CFAP44: variants seen among roughly 807,000 people sequenced by gnomAD.
CFAP44 encodes cilia- and flagella-associated protein 44.
A neutral mutation model predicts 216.2 loss-of-function variants in CFAP44; 134 were observed. The ratio of observed to expected loss-of-function variants is 0.62; its 90% CI spans 0.54 to 0.72. CFAP44 has a LOEUF of 0.72. CFAP44 is among the 30% of genes least tolerant of loss of function. The pLI is 0.00. For missense variants in CFAP44, 2,035 were observed against 2,182.1 expected, an observed-to-expected ratio of 0.93 and a Z score of 1.34; for synonymous variants, 700 against 727.6, an observed-to-expected ratio of 0.96 and a Z score of 0.61.
chr3:113,296,997 T>G, intron 32 of CFAP44, 112 bp from the exon 33 acceptor site: 1 of 1,246,614 alleles, frequency 8.0e-7, no homozygotes, highest in African/African-American at 1.5e-5. Context: ...ATGAAAGATT[T>G]TATGCCATCA....
At chr3:113,297,880 A>C (rs2107787957) in intron 32 of CFAP44, among the ~76,000 whole-genome samples, 1 of 152,240 alleles carries the variant, frequency 6.6e-6, no homozygotes, top group East Asian at 1.9e-4. Context: ...ATTGGGGCAT[A>C]ATTGTTACAA....
chr3:113,391,052 A>G (rs1933825332), intron 15 of CFAP44, among the ~76,000 whole-genome samples: 1 of 152,212 alleles, frequency 6.6e-6, no homozygotes, highest in African/African-American at 2.4e-5. Context: ...CTGAACAGAA[A>G]GAACAAAGCT....
chr3:113,430,777 G>C (rs1935086486), intron 2 of CFAP44, among the ~76,000 whole-genome samples: 3 of 152,080 alleles, frequency 2.0e-5, no homozygotes, highest in Admixed American at 1.3e-4. Flanking sequence ...AGCATTTAAG[G>C]AAGAAATAAT....
At chr3:113,370,143 T>C (rs7629899) in intron 18 of CFAP44, among the ~76,000 whole-genome samples, 12,614 of 152,144 alleles carry the variant, frequency 0.083, 635 homozygotes, top group East Asian at 0.15. Flanking sequence ...CCGAATTCTA[T>C]CAGAGGTACA....
chr3:113,291,677 G>A lies in CFAP44; in HGVS notation c.5445C>T (p.Leu1815=), dbSNP rs761027247. The A allele has an allele frequency of 1.3e-6, 2 of 1,537,286 alleles. No homozygotes were observed. The highest frequency in any genetic ancestry group is 2.4e-5 in the South Asian group (2 of 84,036). Residue 1815 remains leucine (L), a synonymous_variant, in exon 35 of 35, where the codon CTC becomes CTT. Coordinates refer to ENST00000393845, the MANE Select transcript of CFAP44 (RefSeq NM_001164496.2). ...AREEVTELIQ[L]QAERISALKE... ...TTAAGGCCGAAATCCTTTCCGCCTG[G>A]AGTTGGATCAATTCAGTGACCTCCT...
chr3:113,354,352 G>T (rs1284312597), intron 22 of CFAP44, among the ~76,000 whole-genome samples: 1 of 152,180 alleles, frequency 6.6e-6, no homozygotes, highest in Non-Finnish European at 1.5e-5. Flanking sequence ...CCAAAAAACT[G>T]AATCTGCCTG....
intron 25 of CFAP44, among the ~76,000 whole-genome samples, chr3:113,332,828 A>C (rs986378096): frequency 1.3e-5 from 2 of 152,240 alleles, no homozygotes; most frequent in African/African-American, 2.4e-5. Context: ...ATGGCCTTTT[A>C]AATCTAAGTC....
intron 1 of CFAP44, among the ~76,000 whole-genome samples, chr3:113,435,484 G>A (rs926217783): frequency 3.3e-5 from 5 of 151,998 alleles, no homozygotes; most frequent in Admixed American, 6.6e-5. Context: ...ACCTCCCACT[G>A]GGTCCCTCCC....
At position 113,330,320 on chromosome 3, in the gene CFAP44, AATC is replaced by A. The variant is rs1249370221; in HGVS notation, c.3961_3963del (p.Asp1321del). 6.5e-7 allele frequency: 1 copy of A among 1,537,318 alleles called. No homozygotes were observed. Among genetic ancestry groups the A allele is most frequent in the Middle Eastern group, 1.7e-4 (1 of 5,992 alleles). ...GATGCCTTTGATGATCTAGATATTG[AATC>A]ACGGGTTGTCAAATCCCCATCCTTT... On this transcript the variant is annotated inframe_deletion, in exon 26 of 35. Coordinates refer to ENST00000393845, the MANE Select transcript of CFAP44 (RefSeq NM_001164496.2).
At position 113,305,039 on chromosome 3, in the gene CFAP44, G is replaced by A. The variant is rs772102740; in HGVS notation, c.4872C>T (p.His1624=). The A allele has an allele frequency of 2.3e-5, 36 of 1,537,066 alleles. No homozygotes were observed. The Admixed American group carries it at 7.1e-4, about 30-fold the overall frequency. Reference sequence around the variant, plus strand: ...GCAGCCTCCCCAGACGCATCACCTGGTGGAGCTTGAGCGGAATCACAACTA... The same window carrying A: ...GCAGCCTCCCCAGACGCATCACCTGATGGAGCTTGAGCGGAATCACAACTA... The part of the protein sequence containing the change: ...ELLVVIPLKL[H]QIEYVVFGEI... Residue 1624 remains histidine (H), a synonymous_variant, in exon 31 of 35, where the codon CAC becomes CAT. Transcript: ENST00000393845.
intron 6 of CFAP44, 140 bp from the exon 7 acceptor site, chr3:113,409,462 A>G: frequency 1.4e-6 from 1 of 710,956 alleles, no homozygotes; most frequent in East Asian, 2.7e-5. Context: ...TTCCAAAAAC[A>G]TTCTCCATCT....
At chr3:113,351,905 A>ACTC (rs1950448629) in intron 22 of CFAP44, among the ~76,000 whole-genome samples, 1 of 152,154 alleles carries the variant, frequency 6.6e-6, no homozygotes, top group African/African-American at 2.4e-5. Flanking sequence ...TCTACCAAGG[A>ACTC]CTCCTGGATT....
At chr3:113,376,654 C>G (rs114676938) in intron 17 of CFAP44, among the ~76,000 whole-genome samples, 1 of 152,102 alleles carries the variant, frequency 6.6e-6, no homozygotes, top group African/African-American at 2.4e-5. Context: ...GACCTCTGAG[C>G]TTATCATCAT....
intron 5 of CFAP44, among the ~76,000 whole-genome samples, chr3:113,419,276 A>G (rs1487340793): frequency 6.6e-6 from 1 of 152,020 alleles, no homozygotes; most frequent in Non-Finnish European, 1.5e-5. Flanking sequence ...CCACATTATC[A>G]TGTACTTGTG....
At chr3:113,432,103 C>T (rs1244273027) in intron 2 of CFAP44, 2 of 152,168 alleles carry the variant, frequency 1.3e-5, no homozygotes, top group Non-Finnish European at 2.9e-5. Flanking sequence ...GGACTCAAAA[C>T]CAAAGTCCAG....
At chr3:113,356,965 TAAATAACCAA>T (rs1294241531) in intron 22 of CFAP44, among the ~76,000 whole-genome samples, 1 of 151,962 alleles carries the variant, frequency 6.6e-6, no homozygotes, top group Non-Finnish European at 1.5e-5. Context: ...CTCATATATA[TAAATAACCAA>T]AAATAACTCA....
At position 113,330,478 on chromosome 3, in the gene CFAP44, A is replaced by C; in HGVS notation, c.3806T>G (p.Phe1269Cys). 1 of 1,537,178 alleles carries C rather than the reference A, an allele frequency of 6.5e-7. No homozygotes were observed. The change falls in exon 26 of 35, where the codon TTT (phenylalanine) becomes TGT (cysteine). Residue 1269 changes from phenylalanine (F) to cysteine (C), a missense_variant. Coordinates refer to ENST00000393845, the MANE Select transcript of CFAP44 (RefSeq NM_001164496.2). The part of the protein sequence containing the change: ...IHPEEVPEKR[F>C]QYDEETLLNF... ...TAGGAGAGTTTCTTCATCATACTGA[A>C]ATCTCTTTTCTGGAACTTCTTCTGG...
intron 17 of CFAP44, among the ~76,000 whole-genome samples, chr3:113,376,679 A>T (rs1359007153): frequency 6.6e-6 from 1 of 152,236 alleles, no homozygotes; most frequent in Non-Finnish European, 1.5e-5. Context: ...GAAGTGATGG[A>T]GATATCCCAA....
Position 113,366,328 on chromosome 3 carries a change from A to G in CFAP44, c.2445-19T>C. On this transcript the variant is annotated intron_variant, in intron 18 of 34. Coordinates refer to ENST00000393845, the MANE Select transcript of CFAP44 (RefSeq NM_001164496.2). ...GTTAATGCTACGAAACAAAAAATGT[A>G]AATTGTTCTTCCCATTAATCTGAAA... 6.3e-7 allele frequency: 1 copy of G among 1,588,348 alleles called. No homozygotes were observed. The highest frequency in any genetic ancestry group is 8.6e-7 in the Non-Finnish European group (1 of 1,164,774).
Sources: allele counts gnomAD v4.1 joint callset (sites outside exome capture counted in the v4.1 genomes callset), GRCh38; gene constraint gnomAD v4.1.1; transcripts MANE v1.5; gene names NCBI Gene and HGNC (gene_info 2026-07-23, HGNC 2026-07-21).